CEP112: variants seen among roughly 807,000 people sequenced by gnomAD.
CEP112 encodes the protein centrosomal protein of 112 kDa.
In CEP112, 127 loss-of-function variants were observed where a neutral mutation model predicts 153.0. The observed-to-expected ratio is 0.83, with a 90% CI of 0.72 to 0.96. The LOEUF is 0.96. CEP112 is among the 40% of genes least tolerant of loss of function. CEP112 has a pLI of 0.00. For missense variants in CEP112, 1,089 were observed against 1,101.2 expected (o/e 0.99, Z 0.16); for synonymous variants, 358 against 374.4 (o/e 0.96, Z 0.51).
Position 65,641,500 on chromosome 17 carries a change from C to T in CEP112, c.2698-435G>A, listed in dbSNP as rs553672483. ...TACTCCTTGAGGGGGTGGTGGCTCA[C>T]GCCTGTAGTCCCAGCACTTTGGGAG... On this transcript the variant is annotated intron_variant, in intron 24 of 26. Coordinates refer to ENST00000535342, the MANE Select transcript of CEP112 (RefSeq NM_001199165.4). Among the ~76,000 whole-genome samples, 8 of 152,248 alleles carry T rather than the reference C, an allele frequency of 5.3e-5. No individual in the cohort carries two copies. The South Asian group carries it at 8.3e-4, about 16-fold the overall frequency.
intron 4 of CEP112, among the ~76,000 whole-genome samples, chr17:66,135,674 A>G (rs2070401255): frequency 6.6e-6 from 1 of 152,188 alleles, no homozygotes; most frequent in Non-Finnish European, 1.5e-5. Context: ...ACTACTCTTA[A>G]GCCATAAAAC....
At chr17:65,992,171 G>T (rs576665387) in intron 17 of CEP112, among the ~76,000 whole-genome samples, 2 of 152,160 alleles carry the variant, frequency 1.3e-5, no homozygotes, top group African/African-American at 4.8e-5. Flanking sequence ...TGCAGTTTTA[G>T]TATCTTTAAG....
At chr17:66,169,732 A>G (rs754342843) in intron 4 of CEP112, among the ~76,000 whole-genome samples, 2 of 152,212 alleles carry the variant, frequency 1.3e-5, no homozygotes, top group Non-Finnish European at 2.9e-5. Context: ...TGAGGTTTTT[A>G]TAAACATGTA....
chr17:65,953,128 A>G (rs1012436255), intron 18 of CEP112, among the ~76,000 whole-genome samples: 1 of 152,104 alleles, frequency 6.6e-6, no homozygotes, highest in Non-Finnish European at 1.5e-5. Flanking sequence ...GTGAAGTCCA[A>G]TGTAGCAATC....
At chr17:66,117,422 A>T (rs533327937) in intron 6 of CEP112, among the ~76,000 whole-genome samples, 3 of 152,322 alleles carry the variant, frequency 2.0e-5, no homozygotes, top group South Asian at 4.1e-4. Flanking sequence ...GACCAAAAAA[A>T]AAATAAAATG....
chr17:66,095,201 T>G (rs558247822), intron 8 of CEP112, among the ~76,000 whole-genome samples: 1 of 152,226 alleles, frequency 6.6e-6, no homozygotes, highest in South Asian at 2.1e-4. Flanking sequence ...TGCACCCCCA[T>G]GTTCACTGCA....
At chr17:65,968,343 G>C (rs937368524) in intron 17 of CEP112, among the ~76,000 whole-genome samples, 1 of 152,100 alleles carries the variant, frequency 6.6e-6, no homozygotes, top group Non-Finnish European at 1.5e-5. Context: ...ATATTTCAAA[G>C]TAACTGGAAA....
chr17:66,027,552 T>C lies in CEP112; in HGVS notation c.1605A>G (p.Glu535=). The part of the protein sequence containing the change: ...LQRKQQLRDQ[E]NKFQMEKSHL... ...GACTTTTCTCCATCTGAAACTTATT[T>C]TCTTGATCCTGTGAATGATAAATGT... Residue 535 remains glutamate (E), a synonymous_variant, in exon 16 of 27, where the codon GAA becomes GAG. Coordinates refer to ENST00000535342, the MANE Select transcript of CEP112 (RefSeq NM_001199165.4). 7.7e-7 allele frequency: 1 copy of C among 1,294,342 alleles called. No individual in the cohort carries two copies. Among genetic ancestry groups the C allele is most frequent in the Non-Finnish European group, 1.0e-6 (1 of 965,100 alleles). 80.2% of individuals were successfully genotyped at this position (1,294,342 alleles called of 1,614,324 possible).
chr17:65,639,064 C>T (rs923280279), intron 25 of CEP112, among the ~76,000 whole-genome samples: 1 of 152,128 alleles, frequency 6.6e-6, no homozygotes, highest in Non-Finnish European at 1.5e-5. Flanking sequence ...TTCTCCTCCA[C>T]TACTTATTTT....
At chr17:66,009,480 A>G (rs1200923927) in intron 16 of CEP112, among the ~76,000 whole-genome samples, 1 of 152,064 alleles carries the variant, frequency 6.6e-6, no homozygotes. Flanking sequence ...TGGTTTGCAA[A>G]TATTTTCTCC....
chr17:65,644,289 G>A, intron 24 of CEP112: 1 of 574,128 alleles, frequency 1.7e-6, no homozygotes, highest in Non-Finnish European at 3.1e-6. Flanking sequence ...TTCCTAAGCT[G>A]GCACTCGGCA....
chr17:66,108,941 G>T (rs1033342252), intron 6 of CEP112, among the ~76,000 whole-genome samples: 6 of 152,274 alleles, frequency 3.9e-5, no homozygotes, highest in African/African-American at 4.8e-5. Context: ...CCATAAAAAA[G>T]AATGAGATCC....
At chr17:65,700,310 G>A (rs1239454477) in intron 23 of CEP112, among the ~76,000 whole-genome samples, 4 of 152,054 alleles carry the variant, frequency 2.6e-5, no homozygotes, top group East Asian at 1.9e-4. Context: ...TAATGTGTAC[G>A]GCAAGCTTAT....
intron 4 of CEP112, among the ~76,000 whole-genome samples, chr17:66,161,059 G>A (rs1302032974): frequency 6.6e-6 from 1 of 151,870 alleles, no homozygotes. Context: ...AGGTATTTAT[G>A]CCACCAACAA....
Position 65,635,926 on chromosome 17 carries a change from C to T in CEP112, c.*45G>A. 6.3e-7 allele frequency: 1 copy of T among 1,587,986 alleles called. No homozygotes were observed. Among genetic ancestry groups the T allele is most frequent in the East Asian group, 2.2e-5 (1 of 44,472 alleles). ...ATCTTCAAACCTGCTGGAAGAAGTC[C>T]ACAGCACAGCCTGGAAATTGCATCC... On this transcript the variant is annotated 3_prime_UTR_variant, in exon 27 of 27. Transcript: ENST00000535342.
chr17:66,043,105 C>T, intron 12 of CEP112: 1 of 979,786 alleles, frequency 1.0e-6, no homozygotes, highest in Non-Finnish European at 1.2e-6. Context: ...CCTTAACCTA[C>T]CATAGAGGAT....
chr17:65,783,008 A>G (rs1291447212), intron 21 of CEP112, among the ~76,000 whole-genome samples: 3 of 152,184 alleles, frequency 2.0e-5, no homozygotes, highest in East Asian at 1.9e-4. Context: ...AAAAAGAAAT[A>G]TAAGACTATG....
Position 66,096,311 on chromosome 17 carries a change from G to A in CEP112, c.708C>T (p.Ser236=), listed in dbSNP as rs774774823. 1.2e-6 allele frequency: 2 copies of A among 1,613,188 alleles called. No homozygotes were observed. The highest frequency in any genetic ancestry group is 1.7e-6 in the Non-Finnish European group (2 of 1,179,582). The change falls in exon 8 of 27, where the codon AGC becomes AGT. Residue 236 remains serine, a synonymous_variant. Transcript: ENST00000535342. ...CATGGAAACTGCTGGATTTTCTCAGGCTGAATTTCGGTGTCATCTGCTAAA... is the reference window on the plus strand; with the variant it reads ...CATGGAAACTGCTGGATTTTCTCAGACTGAATTTCGGTGTCATCTGCTAAA... ...IPVSLMTPKF[S]LRKSSSFHDD... is the part of the protein sequence containing the mutation.
intron 21 of CEP112, among the ~76,000 whole-genome samples, chr17:65,790,714 T>C (rs1013191485): frequency 2.6e-5 from 4 of 152,198 alleles, no homozygotes; most frequent in African/African-American, 9.6e-5. Context: ...TGCTCTAACA[T>C]AGTGGCTCCC....
Sources: gnomAD v4.1 joint callset for allele counts (sites outside exome capture counted in the v4.1 genomes callset) on GRCh38, gnomAD v4.1.1 for gene constraint, MANE v1.5 for transcripts, NCBI Gene and HGNC (gene_info 2026-07-23, HGNC 2026-07-21) for gene names.